Variants in NXPE2 observed in about 807,000 individuals in gnomAD.
NXPE2 encodes NXPE family member 2.
A neutral mutation model predicts 34.4 loss-of-function variants in NXPE2; 34 were observed. The ratio of observed to expected loss-of-function variants is 0.99; its 90% CI spans 0.75 to 1.31. NXPE2 has a LOEUF of 1.31. NXPE2 is among the 40% of genes most tolerant of loss of function. The pLI, the probability that NXPE2 is intolerant of heterozygous loss-of-function variation, is 0.00. For missense variants in NXPE2, 649 were observed against 672.5 expected (o/e 0.97, Z 0.39); for synonymous variants, 235 against 231.3 (o/e 1.02, Z -0.15).
At chr11:114,751,004 A>T in the NXPE2 span, among the ~76,000 whole-genome samples, 1 of 151,996 alleles carries the variant, frequency 6.6e-6, no homozygotes, top group Admixed American at 6.6e-5. Flanking sequence ...TGTGGAGTGA[A>T]GGTCCTGTTT....
the NXPE2 span, among the ~76,000 whole-genome samples, chr11:114,806,655 A>G: frequency 5.5e-3 from 837 of 152,178 alleles, 10 homozygotes; most frequent in African/African-American, 0.019. Context: ...AAAAAAGAAT[A>G]AAAAGAACAA....
chr11:114,786,355 A>ACCCCCCCCCCCCC, the NXPE2 span, among the ~76,000 whole-genome samples: 9 of 127,326 alleles, frequency 7.1e-5, 1 homozygote, highest in Admixed American at 2.5e-4. Context: ...AGATCTTTCT[A>ACCCCCCCCCCCCC]CCCCCGCCCC....
the NXPE2 span, among the ~76,000 whole-genome samples, chr11:114,804,657 TAGTAGAATCA>T: frequency 6.6e-6 from 1 of 152,242 alleles, no homozygotes; most frequent in Non-Finnish European, 1.5e-5. Flanking sequence ...TTTGTCTACA[TAGTAGAATCA>T]AGATAAGGAA....
the NXPE2 span, chr11:114,581,590 T>G: frequency 1.4e-6 from 1 of 697,750 alleles, no homozygotes; most frequent in Admixed American, 3.1e-5. Flanking sequence ...GTAACTGGTG[T>G]CTTGGCCAAC....
chr11:114,687,645 G>T (rs1310136209), intron 2 of NXPE2, among the ~76,000 whole-genome samples: 3 of 151,502 alleles, frequency 2.0e-5, no homozygotes. Flanking sequence ...TTCTCATTTT[G>T]GGAATACTGA....
chr11:114,636,300 G>A, the NXPE2 span, among the ~76,000 whole-genome samples: 2 of 151,846 alleles, frequency 1.3e-5, no homozygotes, highest in Non-Finnish European at 2.9e-5. Flanking sequence ...CTGTGAGATC[G>A]GTGGTGATAT....
the NXPE2 span, among the ~76,000 whole-genome samples, chr11:114,480,060 GA>G: frequency 6.6e-6 from 1 of 152,112 alleles, no homozygotes; most frequent in Non-Finnish European, 1.5e-5. Context: ...AGCCATTTGT[GA>G]GGAGTCCAAC....
At chr11:114,589,686 T>A in the NXPE2 span, among the ~76,000 whole-genome samples, 2 of 152,140 alleles carry the variant, frequency 1.3e-5, no homozygotes, top group African/African-American at 2.4e-5. Flanking sequence ...GTAACCACTA[T>A]GCCAGTCTGG....
the NXPE2 span, among the ~76,000 whole-genome samples, chr11:114,561,429 G>A: frequency 1.3e-5 from 2 of 152,088 alleles, no homozygotes; most frequent in African/African-American, 2.4e-5. Context: ...AGGCAATATT[G>A]TTTGTTACCT....
the NXPE2 span, among the ~76,000 whole-genome samples, chr11:114,795,783 A>ATGAT: frequency 2.0e-5 from 3 of 152,238 alleles, no homozygotes; most frequent in Admixed American, 6.5e-5. Flanking sequence ...AAAGACTGCA[A>ATGAT]TGATAGCACC....
At chr11:114,621,517 G>C in the NXPE2 span, among the ~76,000 whole-genome samples, 10 of 151,812 alleles carry the variant, frequency 6.6e-5, no homozygotes, top group Non-Finnish European at 1.3e-4. Context: ...GTATTGCCTC[G>C]TGTGTAACCA....
the NXPE2 span, among the ~76,000 whole-genome samples, chr11:114,808,212 G>A: frequency 7.2e-5 from 11 of 152,126 alleles, no homozygotes; most frequent in African/African-American, 2.2e-4. Context: ...AGGGAAATTT[G>A]TAGCACTAAA....
the NXPE2 span, among the ~76,000 whole-genome samples, chr11:114,795,332 G>A: frequency 4.7e-4 from 72 of 152,278 alleles, no homozygotes; most frequent in African/African-American, 1.6e-3. Context: ...CTACCCTCCT[G>A]CATTCAGCTT....
At chr11:114,764,095 A>G in the NXPE2 span, among the ~76,000 whole-genome samples, 1 of 152,038 alleles carries the variant, frequency 6.6e-6, no homozygotes, top group Non-Finnish European at 1.5e-5. Flanking sequence ...CATGGTGCAA[A>G]TATAGCTCAT....
the NXPE2 span, among the ~76,000 whole-genome samples, chr11:114,737,876 A>C: frequency 6.6e-6 from 1 of 152,026 alleles, no homozygotes. Flanking sequence ...TGAGCTTAGG[A>C]GTTTGATACC....
chr11:114,606,879 A>G, the NXPE2 span, among the ~76,000 whole-genome samples: 2 of 147,504 alleles, frequency 1.4e-5, no homozygotes, highest in East Asian at 2.1e-4. Context: ...GATAATAAGT[A>G]TTGCCTCATG....
At chr11:114,736,307 T>C in the NXPE2 span, among the ~76,000 whole-genome samples, 1 of 152,174 alleles carries the variant, frequency 6.6e-6, no homozygotes, top group African/African-American at 2.4e-5. Flanking sequence ...TGGGGCTTAT[T>C]TCATCCCTAC....
At chr11:114,503,137 C>A in the NXPE2 span, among the ~76,000 whole-genome samples, 2 of 151,488 alleles carry the variant, frequency 1.3e-5, no homozygotes, top group African/African-American at 4.9e-5. Context: ...GCTTCAGATG[C>A]TGCTATTTGG....
At chr11:114,568,762 T>C in the NXPE2 span, among the ~76,000 whole-genome samples, 3 of 152,178 alleles carry the variant, frequency 2.0e-5, no homozygotes, top group Non-Finnish European at 4.4e-5. Flanking sequence ...AAATACCTAG[T>C]CACCTCCATC....
Sources: gnomAD v4.1 joint callset for allele counts (sites outside exome capture counted in the v4.1 genomes callset) on GRCh38, gnomAD v4.1.1 for gene constraint, MANE v1.5 for transcripts, NCBI Gene and HGNC (gene_info 2026-07-23, HGNC 2026-07-21) for gene names.